Variants in ZNF532 observed in about 807,000 individuals in gnomAD.
ZNF532 encodes zinc finger protein 532.
ZNF532 carries 22 observed loss-of-function variants against 89.3 expected under a neutral mutation model. The ratio of observed to expected loss-of-function variants is 0.25; its 90% confidence interval spans 0.18 to 0.35. The LOEUF is 0.35. ZNF532 is among the 10% of genes least tolerant of loss of function. The probability of loss-of-function intolerance (pLI) is 1.00; values close to 1 mark genes in which losing one functional copy is unlikely to be tolerated. For synonymous variants in ZNF532, 606 were observed against 649.6 expected (o/e 0.93, Z 1.02); for missense variants, 1,132 against 1,643.4 (o/e 0.69, Z 5.38).
intron 2 of ZNF532, among the ~76,000 whole-genome samples, chr18:58,917,682 G>A (rs2060703897): frequency 1.3e-5 from 2 of 151,302 alleles, no homozygotes; most frequent in Admixed American, 1.3e-4. Flanking sequence ...AAATAAAAAT[G>A]GACAGAATCA....
chr18:58,866,413 C>A (rs1423637509), intron 2 of ZNF532, among the ~76,000 whole-genome samples: 1 of 152,190 alleles, frequency 6.6e-6, no homozygotes, highest in Non-Finnish European at 1.5e-5. Context: ...GAACACTCAA[C>A]ATTTTGCCTT....
chr18:58,929,024 A>G (rs2061744010), intron 3 of ZNF532, among the ~76,000 whole-genome samples: 1 of 152,226 alleles, frequency 6.6e-6, no homozygotes, highest in South Asian at 2.1e-4. Context: ...TGGCATTTAT[A>G]TCAGCTGTAG....
chr18:58,945,729 TTA>T (rs1256755659), intron 5 of ZNF532, among the ~76,000 whole-genome samples: 9 of 151,384 alleles, frequency 5.9e-5, no homozygotes, highest in Non-Finnish European at 8.9e-5. Flanking sequence ...ATTTATTTAT[TTA>T]TTTTTTTTTT....
intron 5 of ZNF532, among the ~76,000 whole-genome samples, chr18:58,947,127 A>G (rs1387098040): frequency 6.6e-6 from 1 of 152,142 alleles, no homozygotes; most frequent in Admixed American, 6.5e-5. Context: ...ACAGTTCTCC[A>G]GAGGAAATAC....
At chr18:58,875,971 C>T (rs539621611) in intron 2 of ZNF532, among the ~76,000 whole-genome samples, 1 of 131,634 alleles carries the variant, frequency 7.6e-6, no homozygotes, top group African/African-American at 3.0e-5. Context: ...CTCGCTCTGT[C>T]GCCCAGGCTG....
intron 2 of ZNF532, among the ~76,000 whole-genome samples, chr18:58,912,157 C>T (rs2060322807): frequency 1.3e-5 from 2 of 152,110 alleles, no homozygotes; most frequent in South Asian, 2.1e-4. Flanking sequence ...TAGTATGTGA[C>T]TCCTGTGTTG....
At chr18:58,907,525 A>T (rs771505404) in intron 2 of ZNF532, among the ~76,000 whole-genome samples, 74 of 147,488 alleles carry the variant, frequency 5.0e-4, no homozygotes, top group Non-Finnish European at 1.0e-3. Flanking sequence ...ATGGAGTTTC[A>T]CTCTTGTTGC....
intron 2 of ZNF532, among the ~76,000 whole-genome samples, chr18:58,882,257 C>T (rs2057983742): frequency 1.3e-5 from 2 of 152,224 alleles, no homozygotes; most frequent in South Asian, 2.1e-4. Context: ...TGCTCTCCCT[C>T]CATATTTGGA....
rs74576772 is a variant in ZNF532, at chr18:58,974,401, C to T, written c.3151-4654C>T. Among the ~76,000 whole-genome samples, 776 of 152,222 alleles carry T rather than the reference C, an allele frequency of 5.1e-3. 6 individuals carry two copies. Among genetic ancestry groups the T allele is most frequent in the African/African-American group, 0.017 (698 of 41,524 alleles). ...TCTTCCCTCCATTTCTGTAGCGGCA[C>T]GGCATCTTGTGGTATGAGTGCATGC... is the stretch of plus-strand genomic sequence containing the variant. On this transcript the variant is annotated intron_variant, in intron 7 of 9. Coordinates refer to ENST00000591808, the MANE Select transcript of ZNF532 (RefSeq NM_001375912.1).
At position 58,912,331 on chromosome 18, in the gene ZNF532, T is replaced by C. The variant is rs556092706; in HGVS notation, c.-17-5940T>C. On this transcript the variant is annotated intron_variant, in intron 2 of 9. Coordinates refer to ENST00000591808, the MANE Select transcript of ZNF532 (RefSeq NM_001375912.1). ...TAAGGAAACCAGTAAATAACTATTT[T>C]GGATAGTAGCAACTATATTTGCTAA... is the stretch of plus-strand genomic sequence containing the variant. Among the ~76,000 whole-genome samples, 17 of 152,352 alleles carry C rather than the reference T, an allele frequency of 1.1e-4. No homozygotes were observed. The South Asian group carries it at 3.1e-3, about 28-fold the overall frequency.
intron 5 of ZNF532, among the ~76,000 whole-genome samples, chr18:58,944,696 C>G (rs1174547492): frequency 6.6e-6 from 1 of 152,094 alleles, no homozygotes. Context: ...TCCTCAGATT[C>G]TGCTCCTAAA....
intron 2 of ZNF532, among the ~76,000 whole-genome samples, chr18:58,914,701 TA>T (rs1336908843): frequency 2.6e-5 from 4 of 152,038 alleles, no homozygotes; most frequent in African/African-American, 9.7e-5. Context: ...ATAAATAAAA[TA>T]AAAGACTATT....
intron 7 of ZNF532, 129 bp downstream of exon 7, chr18:58,953,928 G>A: frequency 6.9e-7 from 1 of 1,445,360 alleles, no homozygotes; most frequent in Non-Finnish European, 9.1e-7. Context: ...ATCACTTGGT[G>A]TCTCTCTGCC....
At chr18:58,885,338 T>C (rs1284371517) in intron 2 of ZNF532, among the ~76,000 whole-genome samples, 3 of 152,106 alleles carry the variant, frequency 2.0e-5, no homozygotes, top group Non-Finnish European at 2.9e-5. Flanking sequence ...GTATAGCCAG[T>C]GGAAAACAGA....
At chr18:58,982,569 C>T (rs1049900635) in intron 9 of ZNF532, among the ~76,000 whole-genome samples, 1 of 151,972 alleles carries the variant, frequency 6.6e-6, no homozygotes, top group Non-Finnish European at 1.5e-5. Context: ...TTGCAGTGTG[C>T]CAAGATCACG....
In ZNF532 at chr18:58,908,767, A is replaced by G. The variant is rs144653416; in HGVS notation, c.-17-9504A>G. Among the ~76,000 whole-genome samples the G allele has an allele frequency of 5.1e-3, 778 of 152,336 alleles. 4 individuals are homozygous for G. Among genetic ancestry groups the G allele is most frequent in the African/African-American group, 0.018 (735 of 41,576 alleles). ...GCAGTTAGATCAAAATTTGGTGACTACTGACATCCGTGTTTTTGGAGATTT... is the reference window on the plus strand; with the variant it reads ...GCAGTTAGATCAAAATTTGGTGACTGCTGACATCCGTGTTTTTGGAGATTT... On this transcript the variant is annotated intron_variant, in intron 2 of 9. Coordinates refer to ENST00000591808, the MANE Select transcript of ZNF532 (RefSeq NM_001375912.1).
At chr18:58,964,495 T>G (rs1424079716) in intron 7 of ZNF532, among the ~76,000 whole-genome samples, 1 of 152,022 alleles carries the variant, frequency 6.6e-6, no homozygotes, top group Non-Finnish European at 1.5e-5. Flanking sequence ...TTATGAAACT[T>G]ATTTTTCATT....
chr18:58,975,262 T>G (rs1479925784), intron 7 of ZNF532, among the ~76,000 whole-genome samples: 2 of 152,188 alleles, frequency 1.3e-5, no homozygotes, highest in Non-Finnish European at 1.5e-5. Flanking sequence ...TGTGGGAGTT[T>G]CTGGCTGCAT....
At chr18:58,897,937 G>A (rs1238049727) in intron 2 of ZNF532, among the ~76,000 whole-genome samples, 1 of 152,186 alleles carries the variant, frequency 6.6e-6, no homozygotes, top group Non-Finnish European at 1.5e-5. Flanking sequence ...GGGTGACAAA[G>A]CAGTGGGACT....
Sources: allele counts gnomAD v4.1 joint callset (sites outside exome capture counted in the v4.1 genomes callset), GRCh38; gene constraint gnomAD v4.1.1; transcripts MANE v1.5; gene names NCBI Gene and HGNC (gene_info 2026-07-23, HGNC 2026-07-21).